Variants in FNDC7 observed in about 807,000 individuals in gnomAD.
FNDC7 encodes fibronectin type III domain containing 7, also known as fibronectin type III domain-containing protein 7.
A neutral mutation model predicts 74.2 loss-of-function variants in FNDC7; 66 were observed. The observed-to-expected ratio is 0.89, with a 90% confidence interval of 0.73 to 1.09. The LOEUF (loss-of-function observed/expected upper bound fraction) is 1.09, where lower values mean the gene tolerates loss of function less well. Ranked by LOEUF, FNDC7 falls within the 50% of genes least tolerant of loss-of-function variation. FNDC7 has a pLI of 0.00. For missense variants in FNDC7, 829 were observed against 893.4 expected, an observed-to-expected ratio of 0.93 and a Z score of 0.92; for synonymous variants, 307 against 330.2, an observed-to-expected ratio of 0.93 and a Z score of 0.76.
At chr1:108,720,267 A>G (rs1459749291) in intron 4 of FNDC7, among the ~76,000 whole-genome samples, 1 of 152,202 alleles carries the variant, frequency 6.6e-6, no homozygotes, top group African/African-American at 2.4e-5. Context: ...AGCTGATGGA[A>G]ATACAAAAGC....
chr1:108,727,170 C>G (rs1312868102), intron 6 of FNDC7, among the ~76,000 whole-genome samples: 3 of 152,074 alleles, frequency 2.0e-5, no homozygotes, highest in African/African-American at 4.8e-5. Flanking sequence ...GCTAAAAATG[C>G]AAAAATTAGC....
At position 108,718,916 on chromosome 1, in the gene FNDC7, A is replaced by G; in HGVS notation, c.465A>G (p.Ile155Met). Reference sequence around the variant, plus strand: ...TGCGAGCCAATGGCTTGGGGAGTATATGGAAAGAGAATACTACAAACACCT... The same window carrying G: ...TGCGAGCCAATGGCTTGGGGAGTATGTGGAAAGAGAATACTACAAACACCT... The part of the protein sequence containing the change: ...SIMRANGLGS[I>M]WKENTTNTSL... Residue 155 changes from isoleucine (I) to methionine (M), a missense_variant, in exon 4 of 13, where the codon ATA becomes ATG. By Grantham distance (10) the Ile-to-Met change is conservative. Transcript: ENST00000370017. The G allele has an allele frequency of 2.6e-6, 4 of 1,551,720 alleles. No individual in the cohort carries two copies. Among genetic ancestry groups the G allele is most frequent in the South Asian group, 2.4e-5 (2 of 84,064 alleles).
intron 2 of FNDC7, among the ~76,000 whole-genome samples, chr1:108,716,722 T>C (rs1345293636): frequency 6.6e-6 from 1 of 152,038 alleles, no homozygotes; most frequent in South Asian, 2.1e-4. Context: ...GGGGAGCTGA[T>C]GCTGGAGAAT....
rs1164233779 is a variant in FNDC7, at chr1:108,737,538, C to T, written c.2170+14C>T. On this transcript the variant is annotated intron_variant, in intron 11 of 12. Transcript: ENST00000370017. Reference sequence around the variant, plus strand: ...CACTTGGAATGGGTAAGTCATTTTTCTCATGGATAAAATAGAACAGGATTT... The same window carrying T: ...CACTTGGAATGGGTAAGTCATTTTTTTCATGGATAAAATAGAACAGGATTT... 1 of 1,587,436 alleles carries T rather than the reference C, an allele frequency of 6.3e-7. No homozygotes were observed. The highest frequency in any genetic ancestry group is 8.5e-7 in the Non-Finnish European group (1 of 1,170,678).
chr1:108,730,612 T>G lies in FNDC7; in HGVS notation c.1625-62T>G. 3 of 1,485,658 alleles carry G rather than the reference T, an allele frequency of 2.0e-6. 1 individual carries two copies. The highest frequency in any genetic ancestry group is 2.7e-6 in the Non-Finnish European group (3 of 1,108,808). 92.0% of individuals were successfully genotyped at this position (1,485,658 alleles called of 1,614,324 possible). Reference sequence around the variant, plus strand: ...CAGGCAAAATACCATTCTTTATCATTTTTCACAAATAATCTTCAGTGGAAA... The same window carrying G: ...CAGGCAAAATACCATTCTTTATCATGTTTCACAAATAATCTTCAGTGGAAA... On this transcript the variant is annotated intron_variant, in intron 8 of 12. Coordinates refer to ENST00000370017, the MANE Select transcript of FNDC7 (RefSeq NM_001144937.3).
chr1:108,729,803 G>T (rs1661302923), intron 8 of FNDC7, among the ~76,000 whole-genome samples: 1 of 152,122 alleles, frequency 6.6e-6, no homozygotes, highest in Non-Finnish European at 1.5e-5. Flanking sequence ...TGGCACTTTG[G>T]ACTATAAAAG....
chr1:108,742,059 G>A lies in FNDC7; in HGVS notation c.*172G>A. Reference sequence around the variant, plus strand: ...ACTCTGCTTCCTGAGGGCAAGGTCAGGTGTGTCCTCACCTGCACAGCAGTT... The same window carrying A: ...ACTCTGCTTCCTGAGGGCAAGGTCAAGTGTGTCCTCACCTGCACAGCAGTT... On this transcript the variant is annotated 3_prime_UTR_variant, in exon 13 of 13. Transcript: ENST00000370017. The A allele has an allele frequency of 1.9e-6, 1 of 536,794 alleles. No homozygotes were observed. The highest frequency in any genetic ancestry group is 3.3e-5 in the Admixed American group (1 of 30,764). 33.3% of individuals were successfully genotyped at this position (536,794 alleles called of 1,614,324 possible).
At chr1:108,720,975 T>C (rs1661080214) in intron 4 of FNDC7, among the ~76,000 whole-genome samples, 1 of 152,212 alleles carries the variant, frequency 6.6e-6, no homozygotes, top group Non-Finnish European at 1.5e-5. Context: ...AGTTCTCCCA[T>C]GCTTCCTGTG....
In FNDC7 at chr1:108,725,739, T is replaced by C. The variant is rs140007670; in HGVS notation, c.857-11T>C. 2.3e-4 allele frequency: 378 copies of C among 1,611,290 alleles called. 1 individual carries two copies. The African/African-American group carries it at 4.5e-3, about 19-fold the overall frequency. On this transcript the variant is annotated splice_polypyrimidine_tract_variant and intron_variant, in intron 5 of 12. Transcript: ENST00000370017. ...GCAGTAGTCTCATGTTTATTATTGA[T>C]CATTTCCTAGTTGCTTGTGCACCCG...
At position 108,733,324 on chromosome 1, in the gene FNDC7, C is replaced by G; in HGVS notation, c.1932C>G (p.Ile644Met). The change falls in exon 10 of 13, where the codon ATC becomes ATG. Residue 644 changes from isoleucine to methionine, a missense_variant. Coordinates refer to ENST00000370017, the MANE Select transcript of FNDC7 (RefSeq NM_001144937.3). ...VKLYRLGPNG[I>M]RIYWQASRGS... Reference sequence around the variant, plus strand: ...TATATAGGCTGGGCCCTAATGGCATCCGGATCTACTGGCAAGCCTCCAGGG... The same window carrying G: ...TATATAGGCTGGGCCCTAATGGCATGCGGATCTACTGGCAAGCCTCCAGGG... The G allele has an allele frequency of 6.2e-7, 1 of 1,614,140 alleles. No homozygotes were observed. The highest frequency in any genetic ancestry group is 8.5e-7 in the Non-Finnish European group (1 of 1,180,024).
At chr1:108,729,331 C>T (rs1038240976) in intron 8 of FNDC7, among the ~76,000 whole-genome samples, 7 of 152,044 alleles carry the variant, frequency 4.6e-5, no homozygotes, top group East Asian at 3.9e-4. Context: ...GGGCAGATCA[C>T]GAGGTCAGGA....
chr1:108,731,947 TATA>T (rs1190947475), intron 9 of FNDC7, among the ~76,000 whole-genome samples: 1 of 152,222 alleles, frequency 6.6e-6, no homozygotes. Context: ...TAAGCCTGAT[TATA>T]ATAACTTTTA....
At chr1:108,720,903 T>C (rs745762623) in intron 4 of FNDC7, among the ~76,000 whole-genome samples, 5 of 152,222 alleles carry the variant, frequency 3.3e-5, no homozygotes, top group Non-Finnish European at 7.3e-5. Flanking sequence ...CTTCAACATA[T>C]GAACTTGGAG....
Position 108,737,643 on chromosome 1 carries a change from G to A in FNDC7, c.2170+119G>A. 3 of 730,916 alleles carry A rather than the reference G, an allele frequency of 4.1e-6. No homozygotes were observed. In the South Asian group the frequency reaches 5.7e-5, roughly 14 times the overall value. The allele number at this position is 730,916 out of a possible 1,614,324, so 45.3% of individuals were successfully genotyped here. ...AATGCTTTCTTTCTTTGATACAAGG[G>A]GCTCCTGCTCTCTTATCCCATGACT... is the stretch of plus-strand genomic sequence containing the variant. On this transcript the variant is annotated intron_variant, in intron 11 of 12. Coordinates refer to ENST00000370017, the MANE Select transcript of FNDC7 (RefSeq NM_001144937.3).
rs770342321 is a variant in FNDC7, at chr1:108,728,800, C to T, written c.1538C>T (p.Pro513Leu). 8.7e-6 allele frequency: 14 copies of T among 1,614,230 alleles called. No homozygotes were observed. Among genetic ancestry groups the T allele is most frequent in the Non-Finnish European group, 1.2e-5 (14 of 1,180,050 alleles). Residue 513 changes from proline to leucine, a missense_variant, in exon 8 of 13, where the codon CCC (proline) becomes CTC (leucine). Physicochemically the swap from Pro to Leu is moderately conservative, Grantham distance 98 (BLOSUM62 -3). Coordinates refer to ENST00000370017, the MANE Select transcript of FNDC7 (RefSeq NM_001144937.3). ...TGESCTMRGL[P>L]CGSVFSVTAV... ...GAGTCCTGCACCATGCGGGGCTTGC[C>T]CTGTGGCTCAGTGTTCTCTGTCACT...
rs2101088393 is a variant in FNDC7 at position 108,733,431 on chromosome 1, A to G, written c.2039A>G (p.Asp680Gly). Residue 680 changes from aspartate to glycine, a missense_variant, in exon 10 of 13, where the codon GAT becomes GGT. By Grantham distance (94) the Asp-to-Gly change is moderately conservative. Coordinates refer to ENST00000370017, the MANE Select transcript of FNDC7 (RefSeq NM_001144937.3). Reference protein sequence around the residue: ...CTPSAGLSFCDVTEIPCGDVY... With the variant: ...CTPSAGLSFCGVTEIPCGDVY... ...CCGAGTGCTGGCCTCAGTTTCTGTG[A>G]TGTCACTGAGATACCCTGTGGGGAT... 2.5e-6 allele frequency: 4 copies of G among 1,614,074 alleles called. No individual in the cohort carries two copies. Among genetic ancestry groups the G allele is most frequent in the East Asian group, 4.5e-5 (2 of 44,860 alleles).
chr1:108,718,788 GT>G lies in FNDC7; in HGVS notation c.338del (p.Val113GlyfsTer7), dbSNP rs1661030328. ...AAATGCATGTGTTTTTATTTTTTTA[GT>G]GTTGGCTGCACCAATTCTAGAAGTA... Reference protein sequence around the residue: ...QASPPKQAKTVLAAPILEVSS... With the variant: ...QASPPKQAKTXLAAPILEVSS... On this transcript the variant is annotated frameshift_variant and splice_region_variant, in exon 4 of 13. Coordinates refer to ENST00000370017, the MANE Select transcript of FNDC7 (RefSeq NM_001144937.3). LOFTEE classifies it high-confidence loss of function. 1.9e-6 allele frequency: 3 copies of G among 1,549,764 alleles called. No homozygotes were observed. The highest frequency in any genetic ancestry group is 2.4e-5 in the South Asian group (2 of 83,924).
chr1:108,717,748 C>G, intron 2 of FNDC7, 29 bp from the exon 3 acceptor site: 2 of 1,547,114 alleles, frequency 1.3e-6, no homozygotes, highest in South Asian at 2.4e-5. Flanking sequence ...GGTATCTTGG[C>G]TAATGTACAA....
rs969285791 is a variant in FNDC7 at position 108,718,837 on chromosome 1, T to C, written c.386T>C (p.Ile129Thr). Residue 129 changes from isoleucine to threonine, a missense_variant, in exon 4 of 13, where the codon ATT becomes ACT. Ile to Thr is a moderately conservative substitution (Grantham distance 89). Transcript: ENST00000370017. ...LEVSSPSSDS[I>T]LVQWEAVYMA... is the part of the protein sequence containing the mutation. Reference sequence around the variant, plus strand: ...GTAAGCTCTCCAAGTTCAGACTCCATTCTTGTGCAGTGGGAAGCTGTATAT... The same window carrying C: ...GTAAGCTCTCCAAGTTCAGACTCCACTCTTGTGCAGTGGGAAGCTGTATAT... 1.3e-6 allele frequency: 2 copies of C among 1,551,970 alleles called. No individual in the cohort carries two copies. The highest frequency in any genetic ancestry group is 1.7e-6 in the Non-Finnish European group (2 of 1,147,040).
Sources: allele counts gnomAD v4.1 joint callset (sites outside exome capture counted in the v4.1 genomes callset), GRCh38; gene constraint gnomAD v4.1.1; transcripts MANE v1.5; gene names NCBI Gene and HGNC (gene_info 2026-07-23, HGNC 2026-07-21).